The following SLCO4A1 variants were observed in gnomAD, a reference collection of about 807,000 sequenced individuals.
The protein encoded by SLCO4A1 is colon organic anion transporter.
A neutral mutation model predicts 64.6 loss-of-function variants in SLCO4A1; 51 were observed. The ratio of observed to expected loss-of-function variants is 0.79; its 90% CI spans 0.63 to 1.00. The LOEUF is 1.00. Among genes scored for constraint, SLCO4A1 ranks in the 50% least tolerant of loss-of-function variants. The pLI, the probability that SLCO4A1 is intolerant of heterozygous loss-of-function variation, is 0.00. For synonymous variants in SLCO4A1, 471 were observed against 444.9 expected, an observed-to-expected ratio of 1.06 and a Z score of -0.74; for missense variants, 919 against 980.5, an observed-to-expected ratio of 0.94 and a Z score of 0.84.
In SLCO4A1 at chr20:62,659,857, C is replaced by T. The variant is rs376202613; in HGVS notation, c.888-555C>T. Reference sequence around the variant, plus strand: ...CCAGAGCTTGTCCTCACTGTGAAGACGCGTCCCTGGATGCCCAGAGCTTGG... The same window carrying T: ...CCAGAGCTTGTCCTCACTGTGAAGATGCGTCCCTGGATGCCCAGAGCTTGG... On this transcript the variant is annotated intron_variant, in intron 3 of 11. Transcript: ENST00000217159. Among the ~76,000 whole-genome samples the T allele has an allele frequency of 2.6e-5, 4 of 152,236 alleles. No homozygotes were observed. The South Asian group carries it at 8.3e-4, about 32-fold the overall frequency.
Position 62,667,735 on chromosome 20 carries a change from C to T in SLCO4A1, c.1473-10C>T, listed in dbSNP as rs1359242699. On this transcript the variant is annotated splice_polypyrimidine_tract_variant and intron_variant, in intron 7 of 11. Transcript: ENST00000217159. ...CTGGACCCTACCACTCGCTTGTCCCCCCTCTGCAGCCTCCTGCCCGAAGGC... is the reference window on the plus strand; with the variant it reads ...CTGGACCCTACCACTCGCTTGTCCCTCCTCTGCAGCCTCCTGCCCGAAGGC... 1 of 1,603,798 alleles carries T rather than the reference C, an allele frequency of 6.2e-7. No individual in the cohort carries two copies. The highest frequency in any genetic ancestry group is 1.1e-5 in the South Asian group (1 of 90,340).
chr20:62,644,171 C>T lies in SLCO4A1; in HGVS notation c.-97+1618C>T, dbSNP rs912261759. Among the ~76,000 whole-genome samples, 2 of 152,064 alleles carry T rather than the reference C, an allele frequency of 1.3e-5. No homozygotes were observed. Among genetic ancestry groups the T allele is most frequent in the African/African-American group, 4.8e-5 (2 of 41,390 alleles). Reference sequence around the variant, plus strand: ...GACACCAGTAGGATGTTGCTCGGGCCGAGACCACACAGCCCGACTTCCCTC... The same window carrying T: ...GACACCAGTAGGATGTTGCTCGGGCTGAGACCACACAGCCCGACTTCCCTC... On this transcript the variant is annotated intron_variant, in intron 1 of 11. Coordinates refer to ENST00000217159, the MANE Select transcript of SLCO4A1 (RefSeq NM_016354.4). The surrounding 1 kb of genome is among the most constrained non-coding windows in gnomAD (Gnocchi z 5.4).
chr20:62,663,584 G>A (rs1250279478), intron 5 of SLCO4A1: 1 of 152,234 alleles, frequency 6.6e-6, no homozygotes, highest in Non-Finnish European at 1.5e-5. Flanking sequence ...ATGACCTGGG[G>A]CTTCAGGAAC....
chr20:62,661,021 G>GAGCCCCC lies in SLCO4A1; in HGVS notation c.1010-29_1010-23dup, dbSNP rs144381587. On this transcript the variant is annotated intron_variant, in intron 4 of 11. Coordinates refer to ENST00000217159, the MANE Select transcript of SLCO4A1 (RefSeq NM_016354.4). This position sits in a 1 kb window ranked among gnomAD's most constrained non-coding sequence, Gnocchi z 5.2. ...CTCTCTCGGAGAAGTCCACCTCCGG[G>GAGCCCCC]AGCCCCCAGCCCCCAGCCCCAGCTC... is the stretch of plus-strand genomic sequence containing the variant. 507,104 of 544,588 alleles carry GAGCCCCC rather than the reference G, an allele frequency of 0.93. 239,785 individuals carry two copies. The highest frequency in any genetic ancestry group is 0.97 in the Non-Finnish European group (272,279 of 281,802). 33.7% of individuals were successfully genotyped at this position (544,588 alleles called of 1,614,324 possible).
rs1370089697 is a variant in SLCO4A1, at chr20:62,668,476, G to T, written c.1812-1G>T. ...GCTGACGCTGTGGTTTTCTATTGCA[G>T]ATGTGTCCGTGACCCTCAGAGATCC... On this transcript the variant is annotated splice_acceptor_variant, in intron 9 of 11. Transcript: ENST00000217159. LOFTEE classifies it high-confidence loss of function. 1.2e-6 allele frequency: 2 copies of T among 1,613,948 alleles called. No homozygotes were observed. Among genetic ancestry groups the T allele is most frequent in the Admixed American group, 1.7e-5 (1 of 60,036 alleles).
chr20:62,653,687 C>A (rs1462695683), intron 1 of SLCO4A1, among the ~76,000 whole-genome samples: 1 of 152,230 alleles, frequency 6.6e-6, no homozygotes, highest in African/African-American at 2.4e-5. Context: ...CCTCCTCAGG[C>A]CTCTGTCATC....
At position 62,657,146 on chromosome 20, in the gene SLCO4A1, TG is replaced by T. The variant is rs1432028251; in HGVS notation, c.693del (p.Met231IlefsTer51). On this transcript the variant is annotated frameshift_variant, in exon 2 of 12. Transcript: ENST00000217159. LOFTEE classifies it high-confidence loss of function. Reference protein sequence around the residue: ...SGLSRYQLVFMLGQFLHGVGA... With the variant: ...SGLSRYQLVFXLGQFLHGVGA... Reference sequence around the variant, plus strand: ...CTGTCCCGCTACCAGCTGGTCTTCATGCTGGGCCAGTTCCTGCATGGCGTGG... The same window carrying T: ...CTGTCCCGCTACCAGCTGGTCTTCATCTGGGCCAGTTCCTGCATGGCGTGG... 6.4e-7 allele frequency: 1 copy of T among 1,564,866 alleles called. No homozygotes were observed. The highest frequency in any genetic ancestry group is 8.7e-7 in the Non-Finnish European group (1 of 1,155,934).
chr20:62,683,952 A>T (rs1987951894), intron 2 of SLCO4A1, among the ~76,000 whole-genome samples: 1 of 97,436 alleles, frequency 1.0e-5, no homozygotes, highest in South Asian at 4.4e-4. Flanking sequence ...ACACACGCTC[A>T]CGCAACGATC....
chr20:62,686,089 G>A (rs567703537), downstream of SLCO4A1, among the ~76,000 whole-genome samples: 89 of 152,292 alleles, frequency 5.8e-4, no homozygotes, highest in African/African-American at 1.8e-3. Flanking sequence ...CCTGTTTATC[G>A]CGGCCACTTC....
intron 7 of SLCO4A1, 121 bp from the exon 8 acceptor site, chr20:62,667,624 C>T: frequency 8.1e-7 from 1 of 1,236,836 alleles, no homozygotes; most frequent in Non-Finnish European, 1.1e-6. Flanking sequence ...GCAAGCTTGG[C>T]AAGTTTGTAG....
Position 62,645,103 on chromosome 20 carries a change from ACTGT to A in SLCO4A1, c.-97+2554_-97+2557del, listed in dbSNP as rs1981069402. 6.6e-6 allele frequency among the ~76,000 whole-genome samples: 1 copy of A among 152,230 alleles called. No individual in the cohort carries two copies. The highest frequency in any genetic ancestry group is 1.5e-5 in the Non-Finnish European group (1 of 68,042). On this transcript the variant is annotated intron_variant, in intron 1 of 11. Coordinates refer to ENST00000217159, the MANE Select transcript of SLCO4A1 (RefSeq NM_016354.4). This position sits in a 1 kb window ranked among gnomAD's most constrained non-coding sequence, Gnocchi z 4.2. ...TTGCCTTCGTTCTGGGACATGGACC[ACTGT>A]CTGGCCCCCCAGTGAGCTTGCTGAG...
chr20:62,686,959 G>A (rs1221692941), downstream of SLCO4A1, among the ~76,000 whole-genome samples: 1 of 149,704 alleles, frequency 6.7e-6, no homozygotes, highest in Non-Finnish European at 1.5e-5. Flanking sequence ...CCCCCAAACA[G>A]GCACAATGGG....
Position 62,660,920 on chromosome 20 carries a change from G to C in SLCO4A1, c.1010-144G>C, listed in dbSNP as rs6011474. The C allele has an allele frequency of 9.5e-6, 6 of 632,576 alleles. No individual in the cohort carries two copies. The East Asian group carries it at 1.4e-4, about 14-fold the overall frequency. 39.2% of individuals were successfully genotyped at this position (632,576 alleles called of 1,614,324 possible). On this transcript the variant is annotated intron_variant, in intron 4 of 11. Transcript: ENST00000217159. ...GTTTCTGTTCCAGTGCCGCCTCCCC[G>C]GGGCTGCGAGGGCTGCAGGGATGTC... is the stretch of plus-strand genomic sequence containing the variant.
intron 1 of SLCO4A1, among the ~76,000 whole-genome samples, chr20:62,653,905 G>C (rs1171736609): frequency 7.2e-6 from 1 of 138,046 alleles, no homozygotes; most frequent in Admixed American, 7.3e-5. Flanking sequence ...TGGGGGGAGG[G>C]GGGAGGGATA....
intron 1 of SLCO4A1, chr20:62,652,002 T>C (rs1283095361): frequency 6.6e-6 from 1 of 151,304 alleles, no homozygotes; most frequent in African/African-American, 2.4e-5. Context: ...TGCTGCCGAA[T>C]CCGACCCACT....
chr20:62,652,575 C>T (rs904548952), intron 1 of SLCO4A1, among the ~76,000 whole-genome samples: 1 of 152,254 alleles, frequency 6.6e-6, no homozygotes, highest in Admixed American at 6.5e-5. Flanking sequence ...AAGCCTGTGG[C>T]TCGTGGGTGG....
intron 4 of SLCO4A1, 57 bp downstream of exon 4, chr20:62,660,590 G>C (rs1420513643): frequency 6.4e-7 from 1 of 1,571,936 alleles, no homozygotes; most frequent in East Asian, 2.2e-5. Flanking sequence ...CTTAGTCTTC[G>C]CGAAGGGGGC....
chr20:62,659,067 G>A (rs956713545), intron 3 of SLCO4A1, among the ~76,000 whole-genome samples: 4 of 152,216 alleles, frequency 2.6e-5, no homozygotes, highest in Admixed American at 2.6e-4. Context: ...AGATTTTTCT[G>A]TTTCTTTTCC....
At chr20:62,676,649 C>T (rs945007722), downstream of SLCO4A1, among the ~76,000 whole-genome samples, 2 of 152,188 alleles carry the variant, frequency 1.3e-5, no homozygotes, top group Admixed American at 6.5e-5. Flanking sequence ...AACGACACGT[C>T]GTGGAGAACT....
Sources: gnomAD v4.1 joint callset for allele counts (sites outside exome capture counted in the v4.1 genomes callset) on GRCh38, gnomAD v4.1.1 for gene constraint, Gnocchi (gnomAD v3.1) non-coding constraint, MANE v1.5 for transcripts, NCBI Gene and HGNC (gene_info 2026-07-23, HGNC 2026-07-21) for gene names.